Variants in GABRB1 observed in about 807,000 individuals in gnomAD.
GABRB1 encodes the protein gamma-aminobutyric acid type A receptor subunit beta1.
In GABRB1, 17 loss-of-function variants were observed where a neutral mutation model predicts 51.6. That is an observed-to-expected ratio of 0.33 (90% CI 0.23 to 0.49). The LOEUF (loss-of-function observed/expected upper bound fraction) is 0.49. Among genes scored for constraint, GABRB1 ranks in the 20% least tolerant of loss-of-function variants. The probability of loss-of-function intolerance (pLI) is 0.99; values close to 1 mark genes in which losing one functional copy is unlikely to be tolerated. For missense variants in GABRB1, 410 were observed against 600.6 expected (o/e 0.68, Z 3.32); for synonymous variants, 247 against 218.9 (o/e 1.13, Z -1.14).
chr4:47,406,657 T>A, intron 7 of GABRB1, 25 bp from the exon 8 acceptor site: 4 of 1,613,496 alleles, frequency 2.5e-6, no homozygotes, highest in Non-Finnish European at 3.4e-6. Context: ...CACCTTCAGC[T>A]AAGTGTTGTC....
intron 4 of GABRB1, among the ~76,000 whole-genome samples, chr4:47,233,293 C>T (rs1721210082): frequency 6.6e-6 from 1 of 152,116 alleles, no homozygotes. Flanking sequence ...CTAATTGCAT[C>T]ACTCGCTTAC....
chr4:47,403,578 A>T lies in GABRB1; in HGVS notation c.702A>T (p.Ser234=). ...EFTTGAYPRL[S]LSFRLKRNIG... Reference sequence around the variant, plus strand: ...ACTCAGGAGCGTATCCACGACTGTCACTAAGTTTTCGTCTAAAGAGAAACA... The same window carrying T: ...ACTCAGGAGCGTATCCACGACTGTCTCTAAGTTTTCGTCTAAAGAGAAACA... The change falls in exon 7 of 9, where the codon TCA becomes TCT. Residue 234 remains serine, a synonymous_variant. Transcript: ENST00000295454. 1 of 1,614,002 alleles carries T rather than the reference A, an allele frequency of 6.2e-7. No homozygotes were observed. Among genetic ancestry groups the T allele is most frequent in the Non-Finnish European group, 8.5e-7 (1 of 1,179,920 alleles).
intron 3 of GABRB1, among the ~76,000 whole-genome samples, chr4:47,110,066 AAAG>A (rs1715153000): frequency 6.6e-6 from 1 of 152,160 alleles, no homozygotes. Context: ...AAGACCTAAA[AAAG>A]AGATGAATTT....
chr4:47,309,564 C>A (rs1236227419), intron 4 of GABRB1, among the ~76,000 whole-genome samples: 1 of 151,784 alleles, frequency 6.6e-6, no homozygotes, highest in Non-Finnish European at 1.5e-5. Flanking sequence ...TTAAAGCATC[C>A]TAAAGAACAT....
chr4:47,097,509 T>C (rs953577268), intron 3 of GABRB1, among the ~76,000 whole-genome samples: 4 of 152,220 alleles, frequency 2.6e-5, no homozygotes, highest in African/African-American at 7.2e-5. Flanking sequence ...TGCTCATTTT[T>C]CTGTCACAAC....
intron 4 of GABRB1, among the ~76,000 whole-genome samples, chr4:47,216,967 G>A (rs758210312): frequency 1.3e-5 from 2 of 151,768 alleles, no homozygotes; most frequent in Admixed American, 6.6e-5. Context: ...ATCAGCAAGA[G>A]AATGGAAAAA....
chr4:47,352,370 T>C (rs1726383180), intron 5 of GABRB1, among the ~76,000 whole-genome samples: 1 of 152,176 alleles, frequency 6.6e-6, no homozygotes, highest in Non-Finnish European at 1.5e-5. Context: ...CTTCTGAAAC[T>C]ATTCCAATCA....
rs191874678 is a variant in GABRB1, at chr4:47,406,492, A to G, written c.836-190A>G. Among the ~76,000 whole-genome samples the G allele has an allele frequency of 5.8e-4, 89 of 152,312 alleles. 1 individual carries two copies. Among genetic ancestry groups the G allele is most frequent in the African/African-American group, 2.0e-3 (85 of 41,556 alleles). On this transcript the variant is annotated intron_variant, in intron 7 of 8. Transcript: ENST00000295454. ...ACACATTCTATTTTATGATTCATTA[A>G]TGGACTATGTAGGGAGGCTAATGCC...
chr4:47,304,656 GA>G (rs1199388620), intron 4 of GABRB1, among the ~76,000 whole-genome samples: 1 of 151,974 alleles, frequency 6.6e-6, no homozygotes, highest in Admixed American at 6.6e-5. Context: ...GTTACAAATG[GA>G]AATTAAGCAA....
chr4:47,141,181 T>C (rs1716917425), intron 3 of GABRB1, among the ~76,000 whole-genome samples: 1 of 151,924 alleles, frequency 6.6e-6, no homozygotes, highest in African/African-American at 2.4e-5. Flanking sequence ...AGGCTAGGCC[T>C]GTATTGTGCT....
At position 47,224,440 on chromosome 4, in the gene GABRB1, T is replaced by G. The variant is rs1329572289; in HGVS notation, c.461+62971T>G. On this transcript the variant is annotated intron_variant, in intron 4 of 8. Coordinates refer to ENST00000295454, the MANE Select transcript of GABRB1 (RefSeq NM_000812.4). ...CCAAATACAAGAAAAAGTGAGGATTTGCAACCAAAGAGCAGAGTGAGGAGG... is the reference window on the plus strand; with the variant it reads ...CCAAATACAAGAAAAAGTGAGGATTGGCAACCAAAGAGCAGAGTGAGGAGG... 4.6e-5 allele frequency among the ~76,000 whole-genome samples: 7 copies of G among 152,246 alleles called. No individual in the cohort carries two copies. The East Asian group carries it at 1.4e-3, about 29-fold the overall frequency.
chr4:47,282,879 C>G (rs907648954), intron 4 of GABRB1, among the ~76,000 whole-genome samples: 1 of 152,090 alleles, frequency 6.6e-6, no homozygotes, highest in African/African-American at 2.4e-5. Context: ...AGAAAGGTGG[C>G]CATGGTACTT....
At chr4:47,402,673 AT>A (rs1262330028) in intron 5 of GABRB1, among the ~76,000 whole-genome samples, 1 of 152,206 alleles carries the variant, frequency 6.6e-6, no homozygotes, top group African/African-American at 2.4e-5. Context: ...TTCCCCTTAA[AT>A]TAACTAAAGT....
rs372234562 is a variant in GABRB1 at position 47,129,024 on chromosome 4, T to G, written c.241-32225T>G. 1.3e-4 allele frequency among the ~76,000 whole-genome samples: 20 copies of G among 152,222 alleles called. No homozygotes were observed. The East Asian group carries it at 2.5e-3, about 19-fold the overall frequency. On this transcript the variant is annotated intron_variant, in intron 3 of 8. Transcript: ENST00000295454. ...TAAAATAGTATCAGCAATATATACA[T>G]GTTTATATCACATATACATACATGA...
intron 4 of GABRB1, among the ~76,000 whole-genome samples, chr4:47,302,949 T>C (rs912642611): frequency 1.3e-5 from 2 of 151,994 alleles, no homozygotes; most frequent in African/African-American, 4.8e-5. Context: ...AAGTTCTATG[T>C]ATCATTTCCC....
upstream of GABRB1, among the ~76,000 whole-genome samples, chr4:47,028,885 A>G (rs1560501445): frequency 1.3e-5 from 2 of 149,014 alleles, no homozygotes; most frequent in Non-Finnish European, 1.5e-5. Context: ...ATATATATAT[A>G]TGGTGTATAT....
intron 1 of GABRB1, among the ~76,000 whole-genome samples, chr4:47,019,001 A>G (rs997187106): frequency 6.6e-6 from 1 of 152,202 alleles, no homozygotes; most frequent in African/African-American, 2.4e-5. Context: ...GCTTTTAAGA[A>G]ATGTATTTTC....
Position 47,031,973 on chromosome 4 carries a change from GAT to G in GABRB1, c.143_144del (p.Tyr48Ter). The G allele has an allele frequency of 6.2e-7, 1 of 1,612,378 alleles. No homozygotes were observed. The highest frequency in any genetic ancestry group is 8.5e-7 in the Non-Finnish European group (1 of 1,179,792). On this transcript the variant is annotated frameshift_variant, in exon 2 of 9. Transcript: ENST00000295454. LOFTEE classifies it high-confidence loss of function. ...GAGACAGTGGACAGATTGCTCAAAGGATATGACATTCGCTTGCGGCCGGACTT... is the reference window on the plus strand; with the variant it reads ...GAGACAGTGGACAGATTGCTCAAAGGATGACATTCGCTTGCGGCCGGACTT...
chr4:47,249,361 G>T (rs916063294), intron 4 of GABRB1, among the ~76,000 whole-genome samples: 1 of 152,070 alleles, frequency 6.6e-6, no homozygotes, highest in South Asian at 2.1e-4. Flanking sequence ...ATTCCACTGT[G>T]ACCTGAGAGA....
Sources: gnomAD v4.1 joint callset for allele counts (sites outside exome capture counted in the v4.1 genomes callset) on GRCh38, gnomAD v4.1.1 for gene constraint, MANE v1.5 for transcripts, NCBI Gene and HGNC (gene_info 2026-07-23, HGNC 2026-07-21) for gene names.